Variants in MAP2K5 observed in about 807,000 individuals in gnomAD.
MAP2K5 encodes the protein dual specificity mitogen-activated protein kinase kinase 5.
Under a neutral mutation model 83.1 loss-of-function variants are expected in MAP2K5, and 49 were observed. That is an observed-to-expected ratio of 0.59 (90% CI 0.47 to 0.75). MAP2K5 has a LOEUF of 0.75. MAP2K5 is among the 30% of genes least tolerant of loss of function. The pLI, the probability that MAP2K5 is intolerant of heterozygous loss-of-function variation, is 0.00. For missense variants in MAP2K5, 457 were observed against 557.5 expected (o/e 0.82, Z 1.82); for synonymous variants, 202 against 191.8 (o/e 1.05, Z -0.44).
chr15:67,624,062 G>A (rs11631200), intron 8 of MAP2K5, among the ~76,000 whole-genome samples: 58,390 of 151,150 alleles, frequency 0.39, 12,311 homozygotes, highest in Non-Finnish European at 0.49. Flanking sequence ...GAGCTAGGCC[G>A]GGCGCAGTGG....
At chr15:67,671,131 T>G (rs1271095881) in intron 13 of MAP2K5, among the ~76,000 whole-genome samples, 1 of 152,164 alleles carries the variant, frequency 6.6e-6, no homozygotes, top group African/African-American at 2.4e-5. Flanking sequence ...GGATGATCAC[T>G]CAGATTTCTT....
intron 13 of MAP2K5, among the ~76,000 whole-genome samples, chr15:67,688,391 C>T (rs187013086): frequency 6.6e-6 from 1 of 152,144 alleles, no homozygotes; most frequent in African/African-American, 2.4e-5. Flanking sequence ...TATAATAGAG[C>T]AAGTGTAAAA....
At chr15:67,670,085 T>G (rs375232734) in intron 13 of MAP2K5, among the ~76,000 whole-genome samples, 4 of 152,098 alleles carry the variant, frequency 2.6e-5, no homozygotes, top group African/African-American at 7.2e-5. Flanking sequence ...CTGTAATACA[T>G]CCACAGAGTG....
At chr15:67,556,033 G>T (rs1461061337) in intron 2 of MAP2K5, among the ~76,000 whole-genome samples, 1 of 152,160 alleles carries the variant, frequency 6.6e-6, no homozygotes, top group Admixed American at 6.6e-5. Flanking sequence ...TGATCTGCCT[G>T]TCTCAGCCTC....
At chr15:67,742,999 C>G (rs2089528436) in intron 17 of MAP2K5, among the ~76,000 whole-genome samples, 1 of 152,166 alleles carries the variant, frequency 6.6e-6, no homozygotes, top group Non-Finnish European at 1.5e-5. Context: ...ATGCATTGTC[C>G]TTGATACTCA....
In MAP2K5 at chr15:67,676,459, G is replaced by A. The variant is rs544494123; in HGVS notation, c.847+11814G>A. On this transcript the variant is annotated intron_variant, in intron 13 of 21. Coordinates refer to ENST00000178640, the MANE Select transcript of MAP2K5 (RefSeq NM_145160.3). This position sits in a 1 kb window ranked among gnomAD's most constrained non-coding sequence, Gnocchi z 4.8. ...CTTGGGACATTTTGCCAAGCAGAATGGACAGACAGCTTTAGCAGTTGGAAG... is the reference window on the plus strand; with the variant it reads ...CTTGGGACATTTTGCCAAGCAGAATAGACAGACAGCTTTAGCAGTTGGAAG... 6.6e-6 allele frequency among the ~76,000 whole-genome samples: 1 copy of A among 152,236 alleles called. No individual in the cohort carries two copies. Among genetic ancestry groups the A allele is most frequent in the Admixed American group, 6.5e-5 (1 of 15,286 alleles).
chr15:67,546,549 A>C, intron 1 of MAP2K5: 1 of 982,760 alleles, frequency 1.0e-6, no homozygotes. Flanking sequence ...ATCATCAGGG[A>C]CTGGCTGAAC....
intron 2 of MAP2K5, among the ~76,000 whole-genome samples, chr15:67,560,236 T>C (rs914206933): frequency 6.6e-6 from 1 of 152,260 alleles, no homozygotes; most frequent in African/African-American, 2.4e-5. Flanking sequence ...GGTTTGCTCT[T>C]GGGCTGCCAT....
chr15:67,674,142 C>T (rs1186378411), intron 13 of MAP2K5, among the ~76,000 whole-genome samples: 1 of 152,170 alleles, frequency 6.6e-6, no homozygotes, highest in Non-Finnish European at 1.5e-5. Flanking sequence ...CCACCGTGCC[C>T]GGCCCCAAAC....
intron 12 of MAP2K5, among the ~76,000 whole-genome samples, chr15:67,663,527 A>G (rs1319728412): frequency 1.3e-5 from 2 of 152,136 alleles, no homozygotes; most frequent in Non-Finnish European, 2.9e-5. Flanking sequence ...CCTGATGGGA[A>G]AAGCAGTTTC....
chr15:67,687,312 T>A (rs925178487), intron 13 of MAP2K5, among the ~76,000 whole-genome samples: 3 of 152,210 alleles, frequency 2.0e-5, no homozygotes, highest in African/African-American at 7.2e-5. Context: ...GCTGTATTTT[T>A]TAAATATGCA....
chr15:67,703,971 G>A (rs2088487469), intron 16 of MAP2K5, among the ~76,000 whole-genome samples: 1 of 152,170 alleles, frequency 6.6e-6, no homozygotes, highest in Non-Finnish European at 1.5e-5. Flanking sequence ...ATGATGGAGA[G>A]GGAAGGGGGA....
At chr15:67,729,693 G>A (rs1291547524) in intron 17 of MAP2K5, among the ~76,000 whole-genome samples, 2 of 152,094 alleles carry the variant, frequency 1.3e-5, no homozygotes, top group African/African-American at 4.8e-5. Flanking sequence ...GAACCCGGGA[G>A]GTGGAGCTTG....
rs542434671 is a variant in MAP2K5 at position 67,790,871 on chromosome 15, C to T, written c.1243-15775C>T. ...CTGATAGTTATGACTATGGAACTGC[C>T]TCTGGGCTGGGAATTTCACACACAC... On this transcript the variant is annotated intron_variant, in intron 21 of 21. Coordinates refer to ENST00000178640, the MANE Select transcript of MAP2K5 (RefSeq NM_145160.3). This position sits in a 1 kb window ranked among gnomAD's most constrained non-coding sequence, Gnocchi z 4.6. Among the ~76,000 whole-genome samples the T allele has an allele frequency of 2.2e-4, 34 of 152,172 alleles. No individual in the cohort carries two copies. Among genetic ancestry groups the T allele is most frequent in the Non-Finnish European group, 4.6e-4 (31 of 68,048 alleles).
intron 13 of MAP2K5, among the ~76,000 whole-genome samples, chr15:67,666,010 C>T (rs543751206): frequency 6.6e-6 from 1 of 152,254 alleles, no homozygotes; most frequent in African/African-American, 2.4e-5. Flanking sequence ...ACCCAATGGT[C>T]AGTTCTCAAA....
chr15:67,651,397 T>C (rs2086950506), intron 11 of MAP2K5, among the ~76,000 whole-genome samples: 1 of 152,214 alleles, frequency 6.6e-6, no homozygotes, highest in South Asian at 2.1e-4. Flanking sequence ...ATTCCACTTG[T>C]GTAGTTATTT....
At chr15:67,629,294 G>T (rs1200637965) in intron 8 of MAP2K5, among the ~76,000 whole-genome samples, 1 of 152,084 alleles carries the variant, frequency 6.6e-6, no homozygotes, top group East Asian at 1.9e-4. Context: ...ATGTGAATGG[G>T]CAAAAACTTG....
At position 67,637,821 on chromosome 15, in the gene MAP2K5, G is replaced by C. The variant is rs2086635016; in HGVS notation, c.585+6894G>C. Among the ~76,000 whole-genome samples, 1 of 151,952 alleles carries C rather than the reference G, an allele frequency of 6.6e-6. No individual in the cohort carries two copies. Among genetic ancestry groups the C allele is most frequent in the African/African-American group, 2.4e-5 (1 of 41,368 alleles). ...TGGGAACTCTCTGGTCAGCAAGCTGGGCAATCATAGGGCTCATCTCATTTG... is the reference window on the plus strand; with the variant it reads ...TGGGAACTCTCTGGTCAGCAAGCTGCGCAATCATAGGGCTCATCTCATTTG... On this transcript the variant is annotated intron_variant, in intron 9 of 21. Coordinates refer to ENST00000178640, the MANE Select transcript of MAP2K5 (RefSeq NM_145160.3). This position sits in a 1 kb window ranked among gnomAD's most constrained non-coding sequence, Gnocchi z 4.5.
At chr15:67,697,718 GC>G (rs1476517454) in intron 15 of MAP2K5, among the ~76,000 whole-genome samples, 4 of 152,104 alleles carry the variant, frequency 2.6e-5, no homozygotes, top group African/African-American at 9.7e-5. Context: ...GGTATAGACA[GC>G]CCAAAATTAC....
Sources: gnomAD v4.1 joint callset for allele counts (sites outside exome capture counted in the v4.1 genomes callset) on GRCh38, gnomAD v4.1.1 for gene constraint, Gnocchi (gnomAD v3.1) non-coding constraint, MANE v1.5 for transcripts, NCBI Gene and HGNC (gene_info 2026-07-23, HGNC 2026-07-21) for gene names.